Variants in AMBRA1 observed in about 807,000 individuals in gnomAD.
AMBRA1 encodes the protein activating molecule in BECN1-regulated autophagy protein 1.
A neutral mutation model predicts 125.4 loss-of-function variants in AMBRA1; 47 were observed. The ratio of observed to expected loss-of-function variants is 0.37; its 90% CI spans 0.30 to 0.48. The LOEUF (loss-of-function observed/expected upper bound fraction) is 0.48. Among genes scored for constraint, AMBRA1 ranks in the 20% least tolerant of loss-of-function variants. AMBRA1 has a pLI of 0.99. For synonymous variants in AMBRA1, 626 were observed against 655.5 expected (o/e 0.95, Z 0.69); for missense variants, 1,331 against 1,693.4 (o/e 0.79, Z 3.76).
At chr11:46,571,272 C>T (rs1474448638) in intron 1 of AMBRA1, among the ~76,000 whole-genome samples, 5 of 152,102 alleles carry the variant, frequency 3.3e-5, no homozygotes, top group Non-Finnish European at 7.3e-5. Context: ...CAAAAATAAC[C>T]CTGTAATTTT....
At chr11:46,495,073 C>T (rs1565217838) in intron 9 of AMBRA1, 1 of 152,184 alleles carries the variant, frequency 6.6e-6, no homozygotes, top group African/African-American at 2.4e-5. Context: ...ACTTTGAAGT[C>T]CTAGATCTTT....
intron 1 of AMBRA1, among the ~76,000 whole-genome samples, chr11:46,561,896 A>T (rs1282971375): frequency 6.6e-6 from 1 of 152,234 alleles, no homozygotes; most frequent in Non-Finnish European, 1.5e-5. Flanking sequence ...CAAATAAAGA[A>T]CACTTAAAGA....
In AMBRA1 at chr11:46,508,206, T is replaced by G. The variant is rs1565231687; in HGVS notation, c.2324A>C (p.Glu775Ala). 4 of 1,614,084 alleles carry G rather than the reference T, an allele frequency of 2.5e-6. No individual in the cohort carries two copies. Among genetic ancestry groups the G allele is most frequent in the Non-Finnish European group, 3.4e-6 (4 of 1,179,962 alleles). Residue 775 changes from glutamate to alanine, a missense_variant, in exon 9 of 18, where the codon GAA (glutamate) becomes GCA (alanine). This residue lies in a region of AMBRA1 where 689 missense variants were observed against 776.5 expected (regional missense o/e 0.89). Coordinates refer to ENST00000683756, the MANE Select transcript of AMBRA1 (RefSeq NM_001387011.1). ...QGPSVEGTDL[E>A]FEDFEDNGDR... The stretch of plus-strand genomic sequence containing the variant: ...ATGTACTTACTCAAAGTCCTCAAAT[T>G]CCAAGTCGGTTCCCTCTACTGATGG...
intron 14 of AMBRA1, among the ~76,000 whole-genome samples, chr11:46,432,227 A>C (rs1196252522): frequency 1.3e-5 from 2 of 152,206 alleles, no homozygotes; most frequent in Non-Finnish European, 2.9e-5. Flanking sequence ...AAGTACTGAC[A>C]TGAGAATGTG....
At chr11:46,506,278 T>C (rs1467178254) in intron 9 of AMBRA1, among the ~76,000 whole-genome samples, 1 of 152,240 alleles carries the variant, frequency 6.6e-6, no homozygotes, top group Non-Finnish European at 1.5e-5. Flanking sequence ...CCATGACCTC[T>C]GCTCCATTTG....
intron 13 of AMBRA1, among the ~76,000 whole-genome samples, chr11:46,434,396 AAAAC>A (rs1166308738): frequency 2.6e-4 from 25 of 97,162 alleles, no homozygotes; most frequent in Admixed American, 1.5e-3. Context: ...ACCCTCCCGC[AAAAC>A]AAACAAACAA....
chr11:46,568,421 G>T (rs1470988504), intron 1 of AMBRA1, among the ~76,000 whole-genome samples: 2 of 151,934 alleles, frequency 1.3e-5, no homozygotes, highest in Admixed American at 1.3e-4. Flanking sequence ...TCATGCCATT[G>T]CACTCCAGCT....
intron 14 of AMBRA1, among the ~76,000 whole-genome samples, chr11:46,425,148 T>C (rs1287794056): frequency 2.6e-5 from 4 of 151,882 alleles, no homozygotes; most frequent in African/African-American, 4.8e-5. Flanking sequence ...AATAAATAAA[T>C]AGAAAGAAAG....
intron 7 of AMBRA1, among the ~76,000 whole-genome samples, chr11:46,522,284 A>G (rs141982771): frequency 1.3e-5 from 2 of 152,362 alleles, no homozygotes; most frequent in Non-Finnish European, 2.9e-5. Context: ...TAGCTCCTAT[A>G]TACCCTCAAC....
At chr11:46,442,297 C>T (rs1233162929) in intron 12 of AMBRA1, among the ~76,000 whole-genome samples, 3 of 152,004 alleles carry the variant, frequency 2.0e-5, no homozygotes, top group African/African-American at 4.8e-5. Context: ...CATGCACCAC[C>T]ACACTCAGCT....
intron 9 of AMBRA1, among the ~76,000 whole-genome samples, chr11:46,497,445 T>C (rs1314884595): frequency 1.3e-5 from 2 of 152,062 alleles, no homozygotes; most frequent in Non-Finnish European, 2.9e-5. Flanking sequence ...AATGGAGAAA[T>C]AGGAGCTAAA....
At chr11:46,499,616 T>G (rs1317861980) in intron 9 of AMBRA1, among the ~76,000 whole-genome samples, 2 of 152,160 alleles carry the variant, frequency 1.3e-5, no homozygotes, top group African/African-American at 4.8e-5. Context: ...TTTCTGAGAC[T>G]TTTCATTATT....
intron 8 of AMBRA1, 84 bp downstream of exon 8, chr11:46,512,643 G>T: frequency 9.6e-7 from 1 of 1,043,140 alleles, no homozygotes; most frequent in Non-Finnish European, 1.4e-6. Context: ...GACCAGAGAG[G>T]CACAGAACGG....
intron 8 of AMBRA1, among the ~76,000 whole-genome samples, chr11:46,508,579 A>G (rs1951148280): frequency 6.6e-6 from 1 of 152,218 alleles, no homozygotes; most frequent in Non-Finnish European, 1.5e-5. Context: ...TTCTGAGATA[A>G]GGCAAACAGG....
chr11:46,489,692 C>T (rs976631059), intron 11 of AMBRA1, among the ~76,000 whole-genome samples: 8 of 152,180 alleles, frequency 5.3e-5, no homozygotes, highest in Non-Finnish European at 1.0e-4. Context: ...GGACAGACAG[C>T]TAATACCCCA....
intron 9 of AMBRA1, among the ~76,000 whole-genome samples, chr11:46,504,101 G>A (rs1453809451): frequency 6.6e-6 from 1 of 152,182 alleles, no homozygotes. Context: ...TAGTCTGACT[G>A]TCATTAGCAA....
chr11:46,585,866 C>A (rs2044379711), intron 1 of AMBRA1, among the ~76,000 whole-genome samples: 2 of 149,030 alleles, frequency 1.3e-5, no homozygotes, highest in African/African-American at 4.9e-5. Context: ...AGTGTGATGG[C>A]ATGATCTCAG....
chr11:46,402,826 T>C (rs1945830404), intron 17 of AMBRA1, among the ~76,000 whole-genome samples: 1 of 152,212 alleles, frequency 6.6e-6, no homozygotes, highest in Admixed American at 6.5e-5. Context: ...TTTTAAAATG[T>C]ACAAACAAAT....
intron 17 of AMBRA1, among the ~76,000 whole-genome samples, chr11:46,401,102 C>T (rs558125202): frequency 1.3e-5 from 2 of 152,198 alleles, no homozygotes; most frequent in South Asian, 4.2e-4. Flanking sequence ...CCCCTGGGGC[C>T]CTCCCTGTGC....
Sources: allele counts gnomAD v4.1 joint callset (sites outside exome capture counted in the v4.1 genomes callset), GRCh38; gene constraint gnomAD v4.1.1; regional missense constraint gnomAD v4.1.1; transcripts MANE v1.5; gene names NCBI Gene and HGNC (gene_info 2026-07-23, HGNC 2026-07-21).